The following TRPM1 variants were observed in gnomAD, a reference collection of about 807,000 sequenced individuals.
TRPM1 encodes the protein TRPM1-203 APA Isoform, Intron 10.
TRPM1 carries 113 observed loss-of-function variants against 149.4 expected under a neutral mutation model. That is an observed-to-expected ratio of 0.76 (90% confidence interval 0.65 to 0.88). TRPM1 has a LOEUF of 0.88. Among genes scored for constraint, TRPM1 ranks in the 40% least tolerant of loss-of-function variants. The probability of loss-of-function intolerance (pLI) is 0.00; values close to 1 mark genes in which losing one functional copy is unlikely to be tolerated. For missense variants in TRPM1, 1,976 were observed against 2,038.7 expected (o/e 0.97, Z 0.59); for synonymous variants, 741 against 759.5 (o/e 0.98, Z 0.40).
chr15:31,010,416 T>G (rs2032142338), intron 27 of TRPM1, among the ~76,000 whole-genome samples: 1 of 152,230 alleles, frequency 6.6e-6, no homozygotes, highest in African/African-American at 2.4e-5. Flanking sequence ...TTTATAGTTA[T>G]AAATATCCTT....
chr15:31,121,061 T>G (rs2035869955), intron 1 of TRPM1, among the ~76,000 whole-genome samples: 1 of 151,966 alleles, frequency 6.6e-6, no homozygotes, highest in Admixed American at 6.6e-5. Context: ...ACCCCATCTC[T>G]ACTAAAAACA....
At chr15:31,041,036 A>G (rs2033599537) in intron 17 of TRPM1, among the ~76,000 whole-genome samples, 1 of 152,174 alleles carries the variant, frequency 6.6e-6, no homozygotes, top group Non-Finnish European at 1.5e-5. Flanking sequence ...GGACAGTGAT[A>G]GAAGTTGGGG....
chr15:31,073,769 T>C (rs541070230), intron 3 of TRPM1, among the ~76,000 whole-genome samples: 5 of 152,228 alleles, frequency 3.3e-5, no homozygotes, highest in Admixed American at 2.0e-4. Flanking sequence ...AGAGAGGACA[T>C]CCTTATCTTG....
chr15:31,030,862 C>A, intron 23 of TRPM1, 121 bp downstream of exon 23: 2 of 1,090,200 alleles, frequency 1.8e-6, no homozygotes, highest in South Asian at 2.7e-5. Flanking sequence ...TAATTTGATG[C>A]CTATGGTGGA....
At chr15:31,029,104 T>A (rs115255768) in intron 24 of TRPM1, among the ~76,000 whole-genome samples, 2,146 of 152,264 alleles carry the variant, frequency 0.014, 50 homozygotes, top group African/African-American at 0.049. Context: ...TTTGGTGCCA[T>A]GTTTGAAAAA....
chr15:31,113,899 C>T (rs906830068), intron 1 of TRPM1, among the ~76,000 whole-genome samples: 18 of 152,166 alleles, frequency 1.2e-4, no homozygotes, highest in African/African-American at 3.9e-4. Context: ...TGCTGGCTAA[C>T]GGGTGGGCAG....
intron 27 of TRPM1, among the ~76,000 whole-genome samples, chr15:31,011,692 T>C (rs960046324): frequency 1.5e-4 from 22 of 146,358 alleles, no homozygotes; most frequent in African/African-American, 5.4e-4. Flanking sequence ...TGAGATGGAG[T>C]GTCACTCTGT....
intron 1 of TRPM1, chr15:31,160,846 A>G: frequency 6.6e-7 from 1 of 1,508,040 alleles, no homozygotes; most frequent in Non-Finnish European, 8.9e-7. Flanking sequence ...AGAGCTGGAG[A>G]CCAGTGTCCC....
intron 1 of TRPM1, among the ~76,000 whole-genome samples, chr15:31,126,878 A>G (rs2035957946): frequency 6.6e-6 from 1 of 152,180 alleles, no homozygotes; most frequent in African/African-American, 2.4e-5. Context: ...GAGGCACAAG[A>G]ATCGCTTGAA....
At position 31,076,959 on chromosome 15, in the gene TRPM1, G is replaced by A. The variant is rs753906249; in HGVS notation, c.29C>T (p.Thr10Ile). The change falls in exon 3 of 28, where the codon ACC becomes ATC. Residue 10 changes from threonine (T) to isoleucine (I), a missense_variant. Physicochemically the swap from Thr to Ile is moderately conservative, Grantham distance 89 (BLOSUM62 -1). This residue lies in a region of TRPM1 where 1,332 missense variants were observed against 1,347.1 expected (regional missense o/e 0.99). Transcript: ENST00000256552. ...AAAGATACATTCCCGTTTGCAAAAG[G>A]TTTTCTCTATCCAAGATTTCTGACC... MGQKSWIEK[T>I]FCKRECIFVI... 3.1e-6 allele frequency: 5 copies of A among 1,612,396 alleles called. No homozygotes were observed. The highest frequency in any genetic ancestry group is 1.3e-5 in the African/African-American group (1 of 74,862).
intron 16 of TRPM1, among the ~76,000 whole-genome samples, chr15:31,045,283 C>T (rs569888883): frequency 6.6e-5 from 10 of 152,156 alleles, no homozygotes; most frequent in Non-Finnish European, 1.3e-4. Context: ...CCTAATATTC[C>T]ACAATATGGC....
intron 27 of TRPM1, among the ~76,000 whole-genome samples, chr15:31,020,801 G>A (rs2032526842): frequency 6.6e-6 from 1 of 152,166 alleles, no homozygotes; most frequent in African/African-American, 2.4e-5. Context: ...GATACTGCAT[G>A]CTTGTCTCTC....
At chr15:31,056,171 G>A (rs7165995) in intron 11 of TRPM1, among the ~76,000 whole-genome samples, 102,038 of 152,080 alleles carry the variant, frequency 0.67, 34,764 homozygotes, top group East Asian at 0.95. Flanking sequence ...TGGACGGTCA[G>A]TCTGGGAGAA....
Position 31,002,776 on chromosome 15 carries a change from A to G in TRPM1, c.3924T>C (p.Asp1308=), listed in dbSNP as rs755524180. Residue 1308 remains aspartate, a synonymous_variant, in exon 28 of 28, where the codon GAT becomes GAC. Transcript: ENST00000256552. ...TCCCTGGTGACGTGGAGAGAGATGTATCCTCAAATAATAACTCTTCTCCGT... is the reference window on the plus strand; with the variant it reads ...TCCCTGGTGACGTGGAGAGAGATGTGTCCTCAAATAATAACTCTTCTCCGT... ...HFNGEELLFE[D]TSLSTSPGTG... 6.2e-7 allele frequency: 1 copy of G among 1,614,184 alleles called. No homozygotes were observed. The highest frequency in any genetic ancestry group is 8.5e-7 in the Non-Finnish European group (1 of 1,180,042).
intron 1 of TRPM1, among the ~76,000 whole-genome samples, chr15:31,121,682 G>C (rs551879653): frequency 6.6e-6 from 1 of 152,250 alleles, no homozygotes; most frequent in Admixed American, 6.5e-5. Context: ...TAACTAATAA[G>C]CTGCCCCTAC....
Position 31,067,125 on chromosome 15 carries a change from A to C in TRPM1, c.556T>G (p.Cys186Gly), listed in dbSNP as rs2034399317. The C allele has an allele frequency of 3.7e-6, 6 of 1,614,106 alleles. No homozygotes were observed. The highest frequency in any genetic ancestry group is 5.1e-6 in the Non-Finnish European group (6 of 1,180,012). ...CCCCATGGAGCAATTCCTATAGCAC[A>C]AACCCGGCCTCTGGACTTGGAGGAG... is the stretch of plus-strand genomic sequence containing the variant. ...DHSSKSRGRV[C>G]AIGIAPWGIV... is the part of the protein sequence containing the mutation. The change falls in exon 6 of 28, where the codon TGT becomes GGT. Residue 186 changes from cysteine (C) to glycine (G), a missense_variant. Cys to Gly is a radical substitution (Grantham distance 159). Transcript: ENST00000256552.
intron 1 of TRPM1, among the ~76,000 whole-genome samples, chr15:31,145,323 A>C (rs770808907): frequency 3.9e-5 from 6 of 152,164 alleles, no homozygotes; most frequent in Non-Finnish European, 7.3e-5. Flanking sequence ...TGGCAGAAGA[A>C]GACTCCATGT....
intron 1 of TRPM1, among the ~76,000 whole-genome samples, chr15:31,088,810 T>A (rs1555427583): frequency 7.8e-6 from 1 of 127,752 alleles, no homozygotes; most frequent in South Asian, 2.4e-4. Flanking sequence ...GCTGGGGGGA[T>A]GCGTCAGAGG....
At chr15:31,158,626 CAAAAAAA>C (rs749062439) in intron 1 of TRPM1, among the ~76,000 whole-genome samples, 2 of 59,794 alleles carry the variant, frequency 3.3e-5, no homozygotes, top group East Asian at 5.3e-4. Context: ...GACTCCATCT[CAAAAAAA>C]AAAAAAAAAA....
Sources: gnomAD v4.1 joint callset for allele counts (sites outside exome capture counted in the v4.1 genomes callset) on GRCh38, gnomAD v4.1.1 for gene constraint, gnomAD v4.1.1 regional missense constraint, MANE v1.5 for transcripts, NCBI Gene and HGNC (gene_info 2026-07-23, HGNC 2026-07-21) for gene names.